The following IL1RAPL1 variants were observed in gnomAD, a reference collection of about 807,000 sequenced individuals.
The protein encoded by IL1RAPL1 is interleukin 1 receptor accessory protein like 1.
In IL1RAPL1, 3 loss-of-function variants were observed where a neutral mutation model predicts 48.4. The observed-to-expected ratio is 0.06, with a 90% CI of 0.03 to 0.16. The LOEUF is 0.16. Ranked by LOEUF, IL1RAPL1 falls within the 10% of genes least tolerant of loss-of-function variation. The probability of loss-of-function intolerance (pLI) is 1.00; values close to 1 mark genes in which losing one functional copy is unlikely to be tolerated. For synonymous variants in IL1RAPL1, 185 were observed against 187.7 expected, an observed-to-expected ratio of 0.99 and a Z score of 0.12; for missense variants, 349 against 530.6, an observed-to-expected ratio of 0.66 and a Z score of 3.36.
At chrX:29,040,601 A>T (rs965623645) in intron 2 of IL1RAPL1, among the ~76,000 whole-genome samples, 5 of 112,249 alleles carry the variant, frequency 4.5e-5, no homozygotes, top group Non-Finnish European at 9.4e-5. Flanking sequence ...TCCATTTACA[A>T]CTTCTAAACT....
At chrX:28,965,610 A>G (rs1924900182) in intron 2 of IL1RAPL1, among the ~76,000 whole-genome samples, 1 of 111,688 alleles carries the variant, frequency 9.0e-6, no homozygotes, top group Admixed American at 9.6e-5. Context: ...TTTATTTTAA[A>G]TCCTCTAGTT....
chrX:29,458,307 A>G (rs1200982361), intron 5 of IL1RAPL1, among the ~76,000 whole-genome samples: 1 of 111,917 alleles, frequency 8.9e-6, no homozygotes, highest in Non-Finnish European at 1.9e-5. Context: ...CTTTTGTTGA[A>G]TTTGCCTCTA....
At chrX:28,635,293 C>G (rs1487386039) in intron 1 of IL1RAPL1, among the ~76,000 whole-genome samples, 1 of 111,663 alleles carries the variant, frequency 9.0e-6, no homozygotes, top group Non-Finnish European at 1.9e-5. Context: ...GCAGGCTAAC[C>G]CATTACCTTG....
At chrX:28,626,433 C>T (rs769244819) in intron 1 of IL1RAPL1, among the ~76,000 whole-genome samples, 3 of 111,907 alleles carry the variant, frequency 2.7e-5, no homozygotes, top group Non-Finnish European at 5.6e-5. Context: ...GTTAAAGATA[C>T]AGCTAAAGCC....
At chrX:29,915,714 C>CTT (rs201364121) in intron 6 of IL1RAPL1, among the ~76,000 whole-genome samples, 9 of 54,305 alleles carry the variant, frequency 1.7e-4, no homozygotes, top group Non-Finnish European at 2.7e-4. Flanking sequence ...TGGTAATATT[C>CTT]TTTTTTTTTT....
At chrX:29,223,453 C>T (rs1314398863) in intron 2 of IL1RAPL1, among the ~76,000 whole-genome samples, 1 of 111,188 alleles carries the variant, frequency 9.0e-6, no homozygotes, top group Admixed American at 9.6e-5. Flanking sequence ...TATTTGCATT[C>T]ATTGTCACTC....
At chrX:29,651,679 A>G (rs896381691) in intron 5 of IL1RAPL1, among the ~76,000 whole-genome samples, 4 of 111,464 alleles carry the variant, frequency 3.6e-5, no homozygotes, top group Non-Finnish European at 5.7e-5. Context: ...GTTAGATAGA[A>G]GGAATAGGTT....
At chrX:28,996,935 G>A (rs1213475340) in intron 2 of IL1RAPL1, among the ~76,000 whole-genome samples, 1 of 111,281 alleles carries the variant, frequency 9.0e-6, no homozygotes, top group East Asian at 2.8e-4. Context: ...TAAAATTATT[G>A]AATTATAATA....
chrX:28,830,805 G>A (rs936366163), intron 2 of IL1RAPL1, among the ~76,000 whole-genome samples: 1 of 110,447 alleles, frequency 9.1e-6, no homozygotes, highest in Non-Finnish European at 1.9e-5. Flanking sequence ...CCTCCTCCCT[G>A]AAGCTCCAGG....
At chrX:28,853,202 A>G (rs758989629) in intron 2 of IL1RAPL1, among the ~76,000 whole-genome samples, 5 of 111,878 alleles carry the variant, frequency 4.5e-5, no homozygotes, top group East Asian at 2.8e-4. Flanking sequence ...AGCAACTTCA[A>G]TGCAATTGCA....
chrX:29,469,281 A>G (rs927114647), intron 5 of IL1RAPL1, among the ~76,000 whole-genome samples: 1 of 112,076 alleles, frequency 8.9e-6, no homozygotes, highest in Non-Finnish European at 1.9e-5. Flanking sequence ...ATAATAAACC[A>G]TATAATGTGC....
At chrX:29,885,412 T>C (rs1932133809) in intron 6 of IL1RAPL1, among the ~76,000 whole-genome samples, 1 of 111,964 alleles carries the variant, frequency 8.9e-6, no homozygotes, top group African/African-American at 3.2e-5. Context: ...AGGATGCAAG[T>C]CCCATGGGGG....
At chrX:29,120,522 A>G (rs1438308981) in intron 2 of IL1RAPL1, among the ~76,000 whole-genome samples, 1 of 111,699 alleles carries the variant, frequency 9.0e-6, no homozygotes, top group Non-Finnish European at 1.9e-5. Flanking sequence ...TACTGGTACC[A>G]TGCTGTTTTG....
chrX:29,522,186 C>T lies in IL1RAPL1; in HGVS notation c.703+122878C>T, dbSNP rs182298432. Among the ~76,000 whole-genome samples, 11 of 110,107 alleles carry T rather than the reference C, an allele frequency of 1.0e-4. No homozygotes were observed. The East Asian group carries it at 3.1e-3, about 31-fold the overall frequency. ...TTGCCTTTTTTGAGACAGTATCTCA[C>T]TCTCTCTCTCTCACCCAGGGTGGAA... is the stretch of plus-strand genomic sequence containing the variant. On this transcript the variant is annotated intron_variant, in intron 5 of 10. Transcript: ENST00000378993.
At chrX:28,666,156 G>A in intron 1 of IL1RAPL1, among the ~76,000 whole-genome samples, 1 of 111,663 alleles carries the variant, frequency 9.0e-6, no homozygotes, top group Non-Finnish European at 1.9e-5. Context: ...TCAGAAGTCG[G>A]AAGGCGATGT....
At chrX:29,826,567 C>T (rs956462802) in intron 6 of IL1RAPL1, among the ~76,000 whole-genome samples, 1 of 111,548 alleles carries the variant, frequency 9.0e-6, no homozygotes, top group Non-Finnish European at 1.9e-5. Context: ...CAGCCCCTGG[C>T]AACCACTGAT....
At chrX:29,618,897 T>C (rs988297092) in intron 5 of IL1RAPL1, among the ~76,000 whole-genome samples, 1 of 110,953 alleles carries the variant, frequency 9.0e-6, no homozygotes, top group African/African-American at 3.3e-5. Flanking sequence ...CTATTTGAGT[T>C]GTTTTAATTT....
chrX:29,114,607 T>G (rs1260118819), intron 2 of IL1RAPL1, among the ~76,000 whole-genome samples: 3 of 111,590 alleles, frequency 2.7e-5, no homozygotes, highest in Non-Finnish European at 5.6e-5. Flanking sequence ...TTATTAGTAT[T>G]TGTTTGGTTT....
intron 5 of IL1RAPL1, among the ~76,000 whole-genome samples, chrX:29,613,261 G>A (rs1244189836): frequency 1.8e-5 from 2 of 112,128 alleles, no homozygotes; most frequent in Non-Finnish European, 3.8e-5. Context: ...TGTAATCAAT[G>A]TAAAAATTTA....
Sources: gnomAD v4.1 joint callset for allele counts (sites outside exome capture counted in the v4.1 genomes callset) on GRCh38, gnomAD v4.1.1 for gene constraint, MANE v1.5 for transcripts, NCBI Gene and HGNC (gene_info 2026-07-23, HGNC 2026-07-21) for gene names.